The following WNT11 variants were observed in gnomAD, a reference collection of about 807,000 sequenced individuals.
The protein encoded by WNT11 is protein Wnt-11.
WNT11 carries 20 observed loss-of-function variants against 35.6 expected under a neutral mutation model. That is an observed-to-expected ratio of 0.56 (90% CI 0.40 to 0.82). WNT11 has a LOEUF of 0.82. Among genes scored for constraint, WNT11 ranks in the 40% least tolerant of loss-of-function variants. The pLI, the probability that WNT11 is intolerant of heterozygous loss-of-function variation, is 0.00. For synonymous variants in WNT11, 200 were observed against 211.9 expected (o/e 0.94, Z 0.49); for missense variants, 459 against 504.4 (o/e 0.91, Z 0.86).
At chr11:76,189,935 C>A (rs1201779233) in intron 4 of WNT11, among the ~76,000 whole-genome samples, 2 of 152,156 alleles carry the variant, frequency 1.3e-5, no homozygotes, top group Non-Finnish European at 2.9e-5. Flanking sequence ...AGCCGCAAGG[C>A]AGGAAACCTG....
rs757101648 is a variant in WNT11 at position 76,191,846 on chromosome 11, G to T, written c.608C>A (p.Ala203Asp). 1 of 1,599,632 alleles carries T rather than the reference G, an allele frequency of 6.3e-7. No homozygotes were observed. Among genetic ancestry groups the T allele is most frequent in the Non-Finnish European group, 8.5e-7 (1 of 1,178,094 alleles). Residue 203 changes from alanine to aspartate, a missense_variant, in exon 4 of 5, where the codon GCC becomes GAC. By Grantham distance (126) the Ala-to-Asp change is moderately radical (BLOSUM62 -2). Coordinates refer to ENST00000322563, the MANE Select transcript of WNT11 (RefSeq NM_004626.3). The stretch of plus-strand genomic sequence containing the variant: ...GCACTTACACTTCATTTCCAGAGAG[G>T]CGCGCAGAGCCTGCGGACAGGGGAA... ...NSEVGRQALR[A>D]SLEMKCKCHG...
At chr11:76,208,800 C>G (rs1447932863), upstream of WNT11, among the ~76,000 whole-genome samples, 4 of 152,216 alleles carry the variant, frequency 2.6e-5, no homozygotes, top group Admixed American at 6.5e-5. Flanking sequence ...CGCCCAAGCT[C>G]GTCGCGCGGG....
intron 1 of WNT11, among the ~76,000 whole-genome samples, chr11:76,202,239 C>T (rs566213842): frequency 7.8e-4 from 118 of 152,180 alleles, no homozygotes; most frequent in African/African-American, 2.7e-3. Context: ...CAACAGATGG[C>T]GATGAGAGAG....
chr11:76,191,973 G>C (rs888439928), intron 3 of WNT11, 117 bp from the exon 4 acceptor site: 2 of 1,276,438 alleles, frequency 1.6e-6, no homozygotes, highest in East Asian at 5.1e-5. Flanking sequence ...GCCTGCTGGA[G>C]TCTGAAGTGA....
chr11:76,194,921 C>T lies in WNT11; in HGVS notation c.320-77G>A, dbSNP rs1033360324. 15 of 1,423,690 alleles carry T rather than the reference C, an allele frequency of 1.1e-5. No individual in the cohort carries two copies. The highest frequency in any genetic ancestry group is 2.8e-5 in the Admixed American group (1 of 35,210). 88.2% of individuals were successfully genotyped at this position (1,423,690 alleles called of 1,614,324 possible). ...GCCCAGGTCAGAGGTCCTCCACCTT[C>T]GCCCACACCCTGCTGTAACCAAGGT... On this transcript the variant is annotated intron_variant, in intron 2 of 4. Transcript: ENST00000322563. The surrounding 1 kb of genome is among the most constrained non-coding windows in gnomAD (Gnocchi z 5.4).
intron 4 of WNT11, among the ~76,000 whole-genome samples, chr11:76,190,051 C>G (rs535731728): frequency 7.0e-6 from 1 of 143,480 alleles, no homozygotes; most frequent in African/African-American, 2.6e-5. Flanking sequence ...CCTGAGGGCA[C>G]GGGGGAGGGG....
chr11:76,190,149 C>A lies in WNT11; in HGVS notation c.890+1415G>T, dbSNP rs753826378. On this transcript the variant is annotated intron_variant, in intron 4 of 4. Coordinates refer to ENST00000322563, the MANE Select transcript of WNT11 (RefSeq NM_004626.3). ...ACAACCCTGTGAGCGGTGGGGTGCC[C>A]TCCCCACTGTGCGGAAGACGAGGCT... Among the ~76,000 whole-genome samples the A allele has an allele frequency of 2.0e-5, 3 of 152,030 alleles. No individual in the cohort carries two copies. The East Asian group carries it at 5.8e-4, about 29-fold the overall frequency.
Position 76,194,644 on chromosome 11 carries a change from C to T in WNT11, c.520G>A (p.Ala174Thr), listed in dbSNP as rs1953244686. The change falls in exon 3 of 5, where the codon GCT becomes ACT. Residue 174 changes from alanine (A) to threonine (T), a missense_variant. By Grantham distance (58) the Ala-to-Thr change is moderately conservative. Transcript: ENST00000322563. This position sits in a 1 kb window ranked among gnomAD's most constrained non-coding sequence, Gnocchi z 5.4. ...GLLMGAKFSD[A>T]PMKVKKTGSQ... The stretch of plus-strand genomic sequence containing the variant: ...CCTGTTTTTTTCACCTTCATAGGAG[C>T]ATCGGAAAACTTGGCCCCCATGAGG... 2 of 1,550,746 alleles carry T rather than the reference C, an allele frequency of 1.3e-6. No homozygotes were observed. The highest frequency in any genetic ancestry group is 1.7e-6 in the Non-Finnish European group (2 of 1,146,956).
At position 76,206,471 on chromosome 11, in the gene WNT11, C is replaced by T; in HGVS notation, c.-64G>A. 8.3e-6 allele frequency: 11 copies of T among 1,325,200 alleles called. No homozygotes were observed. The highest frequency in any genetic ancestry group is 1.1e-5 in the Non-Finnish European group (11 of 1,039,364). The allele number at this position is 1,325,200 out of a possible 1,614,324, so 82.1% of individuals were successfully genotyped here. On this transcript the variant is annotated 5_prime_UTR_variant, in exon 1 of 5. Transcript: ENST00000322563. ...GAGCCGCGCCGAAGTCCTCCGCCTGCACGGCCGCCGCTGGTCCTGCACGCC... is the reference window on the plus strand; with the variant it reads ...GAGCCGCGCCGAAGTCCTCCGCCTGTACGGCCGCCGCTGGTCCTGCACGCC...
upstream of WNT11, among the ~76,000 whole-genome samples, chr11:76,209,964 G>A (rs1953536967): frequency 4.6e-5 from 7 of 151,266 alleles, no homozygotes; most frequent in South Asian, 1.5e-3. Context: ...GCCGCCCCTG[G>A]GACCCGTTCT....
intron 4 of WNT11, among the ~76,000 whole-genome samples, chr11:76,188,610 G>A (rs1173007807): frequency 6.6e-6 from 1 of 152,248 alleles, no homozygotes; most frequent in Non-Finnish European, 1.5e-5. Context: ...GTGGGCCGAG[G>A]AATCCCAGAA....
chr11:76,203,468 G>T (rs567614295), intron 1 of WNT11, among the ~76,000 whole-genome samples: 1 of 152,324 alleles, frequency 6.6e-6, no homozygotes, highest in African/African-American at 2.4e-5. Flanking sequence ...TGGTTCACAG[G>T]AGAGTGGGAC....
rs2134579161 is a variant in WNT11, at chr11:76,194,712, C to T, written c.452G>A (p.Gly151Glu). The change falls in exon 3 of 5, where the codon GGG (glycine) becomes GAG (glutamate). Residue 151 changes from glycine (G) to glutamate (E), a missense_variant. Transcript: ENST00000322563. The surrounding 1 kb of genome is among the most constrained non-coding windows in gnomAD (Gnocchi z 5.4). The part of the protein sequence containing the change: ...GPVPGEPPGP[G>E]NRWGGCADNL... Reference sequence around the variant, plus strand: ...GTCCGCACATCCTCCCCAGCGGTTCCCGGGCCCGGGTGGCTCACCTGGGAC... The same window carrying T: ...GTCCGCACATCCTCCCCAGCGGTTCTCGGGCCCGGGTGGCTCACCTGGGAC... 1.9e-6 allele frequency: 3 copies of T among 1,550,546 alleles called. No homozygotes were observed. In the East Asian group the frequency reaches 7.3e-5, roughly 38 times the overall value.
In WNT11 at chr11:76,194,717, C is replaced by A; in HGVS notation, c.447G>T (p.Gly149=). Residue 149 remains glycine, a synonymous_variant, in exon 3 of 5, where the codon GGG becomes GGT. Transcript: ENST00000322563. The surrounding 1 kb of genome is among the most constrained non-coding windows in gnomAD (Gnocchi z 5.4). ...SCGPVPGEPP[G]PGNRWGGCAD... ...CACATCCTCCCCAGCGGTTCCCGGG[C>A]CCGGGTGGCTCACCTGGGACGGGGC... The A allele has an allele frequency of 1.3e-6, 2 of 1,550,562 alleles. No homozygotes were observed. Among genetic ancestry groups the A allele is most frequent in the Non-Finnish European group, 8.7e-7 (1 of 1,147,108 alleles).
At chr11:76,210,562 G>A, upstream of WNT11, 1 of 985,262 alleles carries the variant, frequency 1.0e-6, no homozygotes, top group Non-Finnish European at 1.2e-6. Context: ...GGGCCCGTGC[G>A]CACTCCGGCT....
chr11:76,204,981 G>C (rs553456409), intron 1 of WNT11, among the ~76,000 whole-genome samples: 5 of 152,110 alleles, frequency 3.3e-5, no homozygotes, highest in Admixed American at 6.5e-5. Context: ...CTCGCTGATC[G>C]GAGGTCCCTG....
intron 3 of WNT11, among the ~76,000 whole-genome samples, chr11:76,193,693 G>C (rs1029872258): frequency 2.0e-5 from 3 of 152,236 alleles, no homozygotes; most frequent in African/African-American, 7.2e-5. Context: ...CACAGTCCTG[G>C]GCTCTATTGT....
chr11:76,200,068 C>T (rs1361959860), intron 1 of WNT11, among the ~76,000 whole-genome samples: 1 of 152,074 alleles, frequency 6.6e-6, no homozygotes, highest in Non-Finnish European at 1.5e-5. Flanking sequence ...CTGCCATGTC[C>T]CACCCACCCT....
chr11:76,198,824 C>T (rs1156910754), intron 1 of WNT11, among the ~76,000 whole-genome samples: 3 of 152,132 alleles, frequency 2.0e-5, no homozygotes, highest in African/African-American at 7.2e-5. Context: ...GCTTCATGTT[C>T]CTCATCTGTT....
Sources: allele counts gnomAD v4.1 joint callset (sites outside exome capture counted in the v4.1 genomes callset), GRCh38; gene constraint gnomAD v4.1.1; non-coding constraint Gnocchi (gnomAD v3.1); transcripts MANE v1.5; gene names NCBI Gene and HGNC (gene_info 2026-07-23, HGNC 2026-07-21).